Variants in BORCS5 observed in about 807,000 individuals in gnomAD.
The protein encoded by BORCS5 is BLOC-1 related complex subunit 5.
A neutral mutation model predicts 22.1 loss-of-function variants in BORCS5; 17 were observed. The observed-to-expected ratio is 0.77, with a 90% CI of 0.53 to 1.15. The LOEUF (loss-of-function observed/expected upper bound fraction) is 1.15, where lower values mean the gene tolerates loss of function less well. BORCS5 is among the 50% of genes most tolerant of loss of function. BORCS5 has a pLI of 0.00. For missense variants in BORCS5, 247 were observed against 253.2 expected (o/e 0.98, Z 0.17); for synonymous variants, 117 against 99.8 (o/e 1.17, Z -1.03).
chr12:12,460,397 A>G (rs891304867), intron 3 of BORCS5, among the ~76,000 whole-genome samples: 2 of 152,200 alleles, frequency 1.3e-5, no homozygotes, highest in African/African-American at 4.8e-5. Context: ...TTTTTAGTAG[A>G]TTTTTAAAGA....
intron 2 of BORCS5, among the ~76,000 whole-genome samples, chr12:12,410,222 T>C (rs1474706451): frequency 2.6e-5 from 4 of 152,236 alleles, no homozygotes; most frequent in African/African-American, 9.6e-5. Context: ...CAGAAGCTCT[T>C]GAGTTTAATT....
intron 2 of BORCS5, among the ~76,000 whole-genome samples, chr12:12,401,893 C>CT (rs1168033671): frequency 6.7e-6 from 1 of 149,762 alleles, no homozygotes; most frequent in East Asian, 2.1e-4. Flanking sequence ...CCTGTCTCTA[C>CT]TAAAAAAAAA....
At chr12:12,438,107 AT>A (rs1165546532) in intron 3 of BORCS5, among the ~76,000 whole-genome samples, 4 of 152,164 alleles carry the variant, frequency 2.6e-5, no homozygotes, top group African/African-American at 9.7e-5. Flanking sequence ...TCTTAGAATT[AT>A]AATAAATTGG....
chr12:12,375,388 C>G (rs1863626728), intron 2 of BORCS5, among the ~76,000 whole-genome samples: 1 of 152,204 alleles, frequency 6.6e-6, no homozygotes, highest in South Asian at 2.1e-4. Flanking sequence ...CTTTGGAAAG[C>G]TGAGGCAGGA....
At chr12:12,463,916 C>T (rs11831188) in intron 3 of BORCS5, among the ~76,000 whole-genome samples, 24,976 of 152,034 alleles carry the variant, frequency 0.16, 3,127 homozygotes, top group African/African-American at 0.36. Context: ...GGTAGGGTTG[C>T]GGGGTGGAGG....
At chr12:12,458,722 C>T (rs1262387311) in intron 3 of BORCS5, among the ~76,000 whole-genome samples, 1 of 151,478 alleles carries the variant, frequency 6.6e-6, no homozygotes, top group Non-Finnish European at 1.5e-5. Context: ...CTTGTAATCC[C>T]AGCACTTTGG....
intron 2 of BORCS5, among the ~76,000 whole-genome samples, chr12:12,372,879 C>G (rs140869311): frequency 2.0e-5 from 3 of 151,054 alleles, no homozygotes; most frequent in African/African-American, 7.3e-5. Flanking sequence ...AAGGCTGCCC[C>G]CTTCTCTCCC....
intron 2 of BORCS5, among the ~76,000 whole-genome samples, chr12:12,391,060 C>T (rs75699538): frequency 0.024 from 3,613 of 152,120 alleles, 103 homozygotes; most frequent in African/African-American, 0.059. Flanking sequence ...GTGCCTTCAG[C>T]GCTTGTTCTC....
chr12:12,402,007 A>T (rs1941491041), intron 2 of BORCS5, among the ~76,000 whole-genome samples: 1 of 150,484 alleles, frequency 6.6e-6, no homozygotes, highest in Non-Finnish European at 1.5e-5. Flanking sequence ...CGGAGCTTGC[A>T]GTGAGCCAAG....
Position 12,418,380 on chromosome 12 carries a change from C to T in BORCS5, c.203-17248C>T, listed in dbSNP as rs114670093. On this transcript the variant is annotated intron_variant, in intron 2 of 3. Coordinates refer to ENST00000314565, the MANE Select transcript of BORCS5 (RefSeq NM_058169.6). Reference sequence around the variant, plus strand: ...TATGATGTCCTTTGTCTCTTGTAACCGCTTTCAGTTTAAGGTCTATTTTGG... The same window carrying T: ...TATGATGTCCTTTGTCTCTTGTAACTGCTTTCAGTTTAAGGTCTATTTTGG... Among the ~76,000 whole-genome samples, 459 of 152,044 alleles carry T rather than the reference C, an allele frequency of 3.0e-3. 2 individuals are homozygous for T. The highest frequency in any genetic ancestry group is 0.01 in the African/African-American group (424 of 41,486).
intron 2 of BORCS5, among the ~76,000 whole-genome samples, chr12:12,379,884 T>C (rs1040406323): frequency 6.6e-6 from 1 of 151,488 alleles, no homozygotes; most frequent in African/African-American, 2.4e-5. Flanking sequence ...ACTTCTACCC[T>C]GTCTTAGCTT....
At chr12:12,456,162 G>A (rs900853535) in intron 3 of BORCS5, among the ~76,000 whole-genome samples, 2 of 152,204 alleles carry the variant, frequency 1.3e-5, no homozygotes, top group Non-Finnish European at 2.9e-5. Flanking sequence ...GGCCAGGTGT[G>A]GTAGATCATG....
intron 3 of BORCS5, among the ~76,000 whole-genome samples, chr12:12,451,950 A>G (rs1755054556): frequency 6.6e-6 from 1 of 151,406 alleles, no homozygotes; most frequent in Non-Finnish European, 1.5e-5. Context: ...AAAAAAGGAA[A>G]GCAGCATTGA....
chr12:12,414,055 G>A (rs1167760121), intron 2 of BORCS5, among the ~76,000 whole-genome samples: 1 of 82,282 alleles, frequency 1.2e-5, no homozygotes, highest in Admixed American at 9.8e-5. Context: ...TGGCCAGGCG[G>A]GGGGCTGATC....
intron 2 of BORCS5, among the ~76,000 whole-genome samples, chr12:12,413,811 A>G (rs1418542503): frequency 4.2e-5 from 3 of 71,922 alleles, no homozygotes; most frequent in African/African-American, 2.5e-4. Context: ...CACCTCCCGG[A>G]CGGGGCGGCT....
Position 12,470,443 on chromosome 12 carries a change from C to G in BORCS5, c.*4667C>G, listed in dbSNP as rs982800073. On this transcript the variant is annotated 3_prime_UTR_variant, in exon 4 of 4. Transcript: ENST00000314565. ...GCTCCACCTCCTGTCAGAACAGACC[C>G]AGCATTAGACTCCCCTAAGAGCGTG... Among the ~76,000 whole-genome samples the G allele has an allele frequency of 1.3e-5, 2 of 152,122 alleles. No individual in the cohort carries two copies. Among genetic ancestry groups the G allele is most frequent in the East Asian group, 1.9e-4 (1 of 5,190 alleles).
intron 2 of BORCS5, among the ~76,000 whole-genome samples, chr12:12,422,918 T>TA (rs1206872683): frequency 6.6e-6 from 1 of 151,630 alleles, no homozygotes; most frequent in African/African-American, 2.4e-5. Flanking sequence ...AAAGTGGAGC[T>TA]ACAAACCATG....
Position 12,357,342 on chromosome 12 carries a change from A to G in BORCS5, c.-110A>G, listed in dbSNP as rs1432369758. 2.7e-6 allele frequency: 4 copies of G among 1,490,066 alleles called. No homozygotes were observed. Among genetic ancestry groups the G allele is most frequent in the African/African-American group, 1.4e-5 (1 of 71,602 alleles). 92.3% of individuals were successfully genotyped at this position (1,490,066 alleles called of 1,614,324 possible). ...ACACATTAGCCTCGCTGCGGCGCCC[A>G]GACTCTGCTTTGCCTCCCCGTCCCG... On this transcript the variant is annotated 5_prime_UTR_variant, in exon 1 of 4. Coordinates refer to ENST00000314565, the MANE Select transcript of BORCS5 (RefSeq NM_058169.6).
chr12:12,448,951 G>A (rs1227146303), intron 3 of BORCS5, among the ~76,000 whole-genome samples: 2 of 152,178 alleles, frequency 1.3e-5, no homozygotes, highest in Non-Finnish European at 2.9e-5. Flanking sequence ...AGTATACTTA[G>A]CATCTCAAAA....
Sources: gnomAD v4.1 joint callset for allele counts (sites outside exome capture counted in the v4.1 genomes callset) on GRCh38, gnomAD v4.1.1 for gene constraint, MANE v1.5 for transcripts, NCBI Gene and HGNC (gene_info 2026-07-23, HGNC 2026-07-21) for gene names.